The following FBXW8 variants were observed in gnomAD, a reference collection of about 807,000 sequenced individuals.
The protein encoded by FBXW8 is F-box/WD repeat-containing protein 8.
FBXW8 carries 57 observed loss-of-function variants against 65.3 expected under a neutral mutation model. The ratio of observed to expected loss-of-function variants is 0.87; its 90% confidence interval spans 0.71 to 1.09. The LOEUF is 1.09. FBXW8 is among the 50% of genes least tolerant of loss of function. The probability of loss-of-function intolerance (pLI) is 0.00; values close to 1 mark genes in which losing one functional copy is unlikely to be tolerated. For missense variants in FBXW8, 777 were observed against 814.8 expected, an observed-to-expected ratio of 0.95 and a Z score of 0.57; for synonymous variants, 308 against 330.2, an observed-to-expected ratio of 0.93 and a Z score of 0.73.
At chr12:116,956,506 C>T (rs896632016) in intron 4 of FBXW8, among the ~76,000 whole-genome samples, 2 of 152,046 alleles carry the variant, frequency 1.3e-5, no homozygotes, top group African/African-American at 2.4e-5. Context: ...TACACCCTGG[C>T]GTCAGAGTGA....
At chr12:116,954,595 A>T (rs900122017) in intron 4 of FBXW8, among the ~76,000 whole-genome samples, 2 of 152,208 alleles carry the variant, frequency 1.3e-5, no homozygotes, top group African/African-American at 2.4e-5. Context: ...GAAATTCTAT[A>T]TAAGTATATA....
rs1023628029 is a variant in FBXW8, at chr12:117,029,645, C to T, written c.*1473C>T. 12 of 152,080 alleles carry T rather than the reference C, an allele frequency of 7.9e-5. No homozygotes were observed. Among genetic ancestry groups the T allele is most frequent in the African/African-American group, 2.9e-4 (12 of 41,380 alleles). 9.4% of individuals were successfully genotyped at this position (152,080 alleles called of 1,614,324 possible). Reference sequence around the variant, plus strand: ...TTTCAGGTGGGGTCTCGCTCTGTCACCTAGACTAGACTGGAGTGCAATGGC... The same window carrying T: ...TTTCAGGTGGGGTCTCGCTCTGTCATCTAGACTAGACTGGAGTGCAATGGC... On this transcript the variant is annotated 3_prime_UTR_variant, in exon 11 of 11. Transcript: ENST00000652555.
At chr12:116,922,994 C>T (rs913459382) in intron 1 of FBXW8, among the ~76,000 whole-genome samples, 1 of 151,866 alleles carries the variant, frequency 6.6e-6, no homozygotes, top group African/African-American at 2.4e-5. Context: ...AGGTGGAGGC[C>T]GAGAGTTCGA....
At chr12:117,025,585 A>G (rs11068292) in intron 9 of FBXW8, among the ~76,000 whole-genome samples, 65,972 of 152,102 alleles carry the variant, frequency 0.43, 17,703 homozygotes, top group African/African-American at 0.77. Context: ...CTTGGAGGGC[A>G]GTGTTGGCAA....
At chr12:116,918,339 G>A (rs1880610129) in intron 1 of FBXW8, among the ~76,000 whole-genome samples, 1 of 152,100 alleles carries the variant, frequency 6.6e-6, no homozygotes, top group Non-Finnish European at 1.5e-5. Flanking sequence ...TTTTTATTTA[G>A]GTGGTGTATC....
chr12:116,957,739 AC>A (rs1360929094), intron 4 of FBXW8, among the ~76,000 whole-genome samples: 42 of 152,272 alleles, frequency 2.8e-4, no homozygotes, highest in African/African-American at 9.4e-4. Flanking sequence ...AGTTATTGTG[AC>A]ATTGGACTGT....
chr12:116,968,719 A>C (rs1884474073), intron 5 of FBXW8, among the ~76,000 whole-genome samples: 1 of 152,186 alleles, frequency 6.6e-6, no homozygotes, highest in Admixed American at 6.5e-5. Context: ...TTTGCCAACA[A>C]AGTATGTTTC....
At chr12:116,983,723 A>G (rs1885470824) in intron 5 of FBXW8, among the ~76,000 whole-genome samples, 1 of 152,262 alleles carries the variant, frequency 6.6e-6, no homozygotes, top group Non-Finnish European at 1.5e-5. Flanking sequence ...AGATTTACGG[A>G]TGATCAATAG....
intron 5 of FBXW8, among the ~76,000 whole-genome samples, chr12:116,965,447 T>C (rs1296792041): frequency 6.6e-6 from 1 of 152,238 alleles, no homozygotes; most frequent in Non-Finnish European, 1.5e-5. Flanking sequence ...AAAGAAACTC[T>C]TGACAGCGTA....
chr12:116,919,343 T>G (rs537446598), intron 1 of FBXW8, among the ~76,000 whole-genome samples: 1 of 152,310 alleles, frequency 6.6e-6, no homozygotes, highest in East Asian at 1.9e-4. Flanking sequence ...AGACCTGAGT[T>G]CAGATTCTGG....
intron 2 of FBXW8, among the ~76,000 whole-genome samples, chr12:116,928,448 A>G (rs1326164303): frequency 6.6e-6 from 1 of 152,200 alleles, no homozygotes; most frequent in Non-Finnish European, 1.5e-5. Flanking sequence ...ATGCACTCAC[A>G]GTTTTTAATG....
intron 1 of FBXW8, among the ~76,000 whole-genome samples, chr12:116,912,736 T>A (rs796755147): frequency 2.8e-4 from 42 of 152,250 alleles, no homozygotes; most frequent in African/African-American, 8.4e-4. Flanking sequence ...GTGCTGGGAT[T>A]ACAGGCGTGA....
intron 7 of FBXW8, among the ~76,000 whole-genome samples, chr12:116,999,606 GC>G (rs900775075): frequency 6.6e-6 from 1 of 151,512 alleles, no homozygotes; most frequent in African/African-American, 2.4e-5. Context: ...ACCTGTCAGT[GC>G]CCCTCCTCAC....
At chr12:116,942,743 C>A (rs1177874184) in intron 2 of FBXW8, among the ~76,000 whole-genome samples, 1 of 144,414 alleles carries the variant, frequency 6.9e-6, no homozygotes, top group East Asian at 2.0e-4. Flanking sequence ...TATTTCAGTT[C>A]CTGTACTTTT....
At chr12:116,931,127 A>G (rs1217594043) in intron 2 of FBXW8, among the ~76,000 whole-genome samples, 1 of 152,190 alleles carries the variant, frequency 6.6e-6, no homozygotes, top group East Asian at 1.9e-4. Flanking sequence ...TCACAACACC[A>G]TTTATTGGAG....
rs530596196 is a variant in FBXW8 at position 117,027,648 on chromosome 12, G to A, written c.1652+144G>A. 1.2e-4 allele frequency: 85 copies of A among 712,032 alleles called. No homozygotes were observed. In the East Asian group the frequency reaches 2.1e-3, roughly 17 times the overall value. 44.1% of individuals were successfully genotyped at this position (712,032 alleles called of 1,614,324 possible). A position where few individuals can be genotyped will look rare whatever the true frequency, so the allele number is the denominator to read the frequency against. ...CTTTCTGCGAATTGGAAACATAAACGTGGATGCTGACCTGTACTGAGCACC... is the reference window on the plus strand; with the variant it reads ...CTTTCTGCGAATTGGAAACATAAACATGGATGCTGACCTGTACTGAGCACC... On this transcript the variant is annotated intron_variant, in intron 10 of 10. Transcript: ENST00000652555.
chr12:116,986,608 A>G (rs1206265766), intron 6 of FBXW8: 1 of 152,198 alleles, frequency 6.6e-6, no homozygotes, highest in African/African-American at 2.4e-5. Flanking sequence ...CCTGGGCAAC[A>G]GAGCGAGACT....
chr12:116,931,559 GT>G (rs1354805663), intron 2 of FBXW8, among the ~76,000 whole-genome samples: 1 of 152,048 alleles, frequency 6.6e-6, no homozygotes, highest in East Asian at 1.9e-4. Flanking sequence ...GTGTTTTATA[GT>G]TTTCAGCATA....
At chr12:116,965,457 A>G (rs1884257369) in intron 5 of FBXW8, among the ~76,000 whole-genome samples, 1 of 152,350 alleles carries the variant, frequency 6.6e-6, no homozygotes, top group East Asian at 1.9e-4. Flanking sequence ...TTGACAGCGT[A>G]TAACTACTAG....
Sources: gnomAD v4.1 joint callset for allele counts (sites outside exome capture counted in the v4.1 genomes callset) on GRCh38, gnomAD v4.1.1 for gene constraint, MANE v1.5 for transcripts, NCBI Gene and HGNC (gene_info 2026-07-23, HGNC 2026-07-21) for gene names.